The following SAXO1 variants were observed in gnomAD, a reference collection of about 807,000 sequenced individuals.
SAXO1 encodes the protein stabilizer of axonemal microtubules 1, also known as 4930500O09Rik.
A neutral mutation model predicts 17.5 loss-of-function variants in SAXO1; 21 were observed. That is an observed-to-expected ratio of 1.20 (90% CI 0.85 to 1.72). The LOEUF (loss-of-function observed/expected upper bound fraction) is 1.72. SAXO1 is among the 40% of genes most tolerant of loss of function. The pLI is 0.00. For missense variants in SAXO1, 843 were observed against 596.0 expected, an observed-to-expected ratio of 1.41 and a Z score of -4.32; for synonymous variants, 274 against 216.5, an observed-to-expected ratio of 1.27 and a Z score of -2.33.
intron 1 of SAXO1, among the ~76,000 whole-genome samples, chr9:18,993,156 G>C (rs1018640032): frequency 2.0e-5 from 3 of 151,628 alleles, no homozygotes; most frequent in Non-Finnish European, 4.4e-5. Flanking sequence ...AGAGTGTACA[G>C]GTATGTTACA....
intron 1 of SAXO1, among the ~76,000 whole-genome samples, chr9:19,048,350 G>C (rs926747183): frequency 1.3e-5 from 2 of 152,134 alleles, no homozygotes; most frequent in Non-Finnish European, 2.9e-5. Flanking sequence ...CCAGCTATTT[G>C]GGGGACTGAG....
chr9:18,935,252 C>G (rs1219778875), intron 3 of SAXO1, among the ~76,000 whole-genome samples: 2 of 152,138 alleles, frequency 1.3e-5, no homozygotes, highest in Non-Finnish European at 1.5e-5. Context: ...TAGTGGTCAG[C>G]CAATGATTGG....
At chr9:18,976,935 T>G (rs1833176267) in intron 1 of SAXO1, among the ~76,000 whole-genome samples, 1 of 152,184 alleles carries the variant, frequency 6.6e-6, no homozygotes, top group Admixed American at 6.5e-5. Context: ...CCAAAACAAA[T>G]GTGAAGCACT....
At chr9:19,014,385 C>A (rs930564082) in intron 1 of SAXO1, among the ~76,000 whole-genome samples, 1 of 143,664 alleles carries the variant, frequency 7.0e-6, no homozygotes, top group African/African-American at 2.6e-5. Context: ...TCCCTTGAAC[C>A]TGGGGGGCAA....
intron 1 of SAXO1, among the ~76,000 whole-genome samples, chr9:19,014,063 G>A (rs982674610): frequency 2.6e-5 from 4 of 152,100 alleles, no homozygotes; most frequent in Non-Finnish European, 5.9e-5. Flanking sequence ...TGGTGAGCCT[G>A]GAACACAGGC....
intron 1 of SAXO1, among the ~76,000 whole-genome samples, chr9:18,967,418 T>G (rs2131780225): frequency 6.6e-6 from 1 of 152,340 alleles, no homozygotes; most frequent in African/African-American, 2.4e-5. Flanking sequence ...ACTGGGGCTG[T>G]TGCCTTTCTT....
At position 19,005,015 on chromosome 9, in the gene SAXO1, TAAAC is replaced by T. The variant is rs565143092; in HGVS notation, c.38+27852_38+27855del. The stretch of plus-strand genomic sequence containing the variant: ...CACACTAACAATGACAATCTGAAAA[TAAAC>T]AATTTCATTTACAATAATGTCAAAA... On this transcript the variant is annotated intron_variant, in intron 1 of 3. Transcript: ENST00000380534. 2.7e-3 allele frequency among the ~76,000 whole-genome samples: 412 copies of T among 151,984 alleles called. 7 individuals carry two copies. The South Asian group carries it at 0.035, about 13-fold the overall frequency.
intron 1 of SAXO1, among the ~76,000 whole-genome samples, chr9:19,001,394 G>C (rs1177752248): frequency 1.3e-5 from 2 of 152,048 alleles, no homozygotes; most frequent in Non-Finnish European, 2.9e-5. Context: ...GAAGCCAGGT[G>C]CGGTGGCTCA....
At chr9:19,030,700 A>AT (rs1311934908) in intron 1 of SAXO1, among the ~76,000 whole-genome samples, 2 of 152,140 alleles carry the variant, frequency 1.3e-5, no homozygotes, top group Non-Finnish European at 2.9e-5. Flanking sequence ...TCTCAAAAAA[A>AT]TAAAAAAAAT....
chr9:18,993,837 A>G (rs898236702), intron 1 of SAXO1, among the ~76,000 whole-genome samples: 1 of 152,192 alleles, frequency 6.6e-6, no homozygotes, highest in African/African-American at 2.4e-5. Flanking sequence ...AATTTACAAG[A>G]GAAGCAGCTA....
At chr9:18,966,124 T>A (rs998855764) in intron 1 of SAXO1, among the ~76,000 whole-genome samples, 1 of 152,260 alleles carries the variant, frequency 6.6e-6, no homozygotes, top group African/African-American at 2.4e-5. Context: ...GTTAGTCTGA[T>A]GGGCTTCCCT....
chr9:19,000,106 A>G (rs1191615239), intron 1 of SAXO1, among the ~76,000 whole-genome samples: 1 of 148,808 alleles, frequency 6.7e-6, no homozygotes, highest in African/African-American at 2.5e-5. Context: ...CCATCTGGGA[A>G]GTGAGGAGCA....
intron 1 of SAXO1, among the ~76,000 whole-genome samples, chr9:19,044,890 C>G (rs1031993300): frequency 1.3e-5 from 2 of 152,082 alleles, no homozygotes; most frequent in African/African-American, 2.4e-5. Flanking sequence ...GAATCCTTAG[C>G]CAGTAGTAGG....
intron 3 of SAXO1, among the ~76,000 whole-genome samples, chr9:18,930,620 C>T (rs1188262582): frequency 3.3e-5 from 5 of 152,194 alleles, no homozygotes. Context: ...CTGCCTCAGC[C>T]TCCCTAGTAG....
chr9:18,986,621 G>A (rs1833604429), intron 1 of SAXO1, among the ~76,000 whole-genome samples: 1 of 151,900 alleles, frequency 6.6e-6, no homozygotes, highest in Admixed American at 6.6e-5. Flanking sequence ...AAAAAAAAAA[G>A]GGGGGGCGGT....
intron 1 of SAXO1, among the ~76,000 whole-genome samples, chr9:19,045,628 A>G (rs879485157): frequency 2.0e-4 from 31 of 152,344 alleles, no homozygotes; most frequent in South Asian, 8.3e-4. Flanking sequence ...TCCCAGTAGA[A>G]GAATCCTGGG....
chr9:19,022,052 A>T (rs914925786), intron 1 of SAXO1, among the ~76,000 whole-genome samples: 1 of 151,936 alleles, frequency 6.6e-6, no homozygotes, highest in East Asian at 1.9e-4. Flanking sequence ...GCTGCTGCTC[A>T]CTCCTTGGGT....
chr9:18,981,694 T>A (rs928478701), intron 1 of SAXO1, among the ~76,000 whole-genome samples: 1 of 152,178 alleles, frequency 6.6e-6, no homozygotes, highest in Non-Finnish European at 1.5e-5. Context: ...CCAGGAGCTC[T>A]GCCAAAATGC....
rs559160639 is a variant in SAXO1 at position 19,010,177 on chromosome 9, T to C, written c.38+22694A>G. ...CAACAACAACAACAAAAACACCTTA[T>C]ATAAAAGTTGAAACCTAGTAAGGTT... is the stretch of plus-strand genomic sequence containing the variant. On this transcript the variant is annotated intron_variant, in intron 1 of 3. Coordinates refer to ENST00000380534, the MANE Select transcript of SAXO1 (RefSeq NM_153707.4). Among the ~76,000 whole-genome samples the C allele has an allele frequency of 3.3e-5, 5 of 152,160 alleles. No homozygotes were observed. In the East Asian group the frequency reaches 7.7e-4, roughly 23 times the overall value.
Sources: allele counts gnomAD v4.1 joint callset (sites outside exome capture counted in the v4.1 genomes callset), GRCh38; gene constraint gnomAD v4.1.1; transcripts MANE v1.5; gene names NCBI Gene and HGNC (gene_info 2026-07-23, HGNC 2026-07-21).